MACROD2: variants seen among roughly 807,000 people sequenced by gnomAD.
MACROD2 encodes mono-ADP ribosylhydrolase 2.
Under a neutral mutation model 70.4 loss-of-function variants are expected in MACROD2, and 36 were observed. The observed-to-expected ratio is 0.51, with a 90% CI of 0.39 to 0.68. MACROD2 has a LOEUF of 0.68. Ranked by LOEUF, MACROD2 falls within the 30% of genes least tolerant of loss-of-function variation. MACROD2 has a pLI of 0.00. For synonymous variants in MACROD2, 172 were observed against 178.8 expected (o/e 0.96, Z 0.30); for missense variants, 496 against 538.4 (o/e 0.92, Z 0.78).
At chr20:15,257,239 C>G (rs763149248) in intron 6 of MACROD2, among the ~76,000 whole-genome samples, 4 of 151,830 alleles carry the variant, frequency 2.6e-5, no homozygotes, top group Admixed American at 6.6e-5. Flanking sequence ...TTATGTCATG[C>G]GAAATGAATG....
chr20:15,163,691 C>CTT, intron 5 of MACROD2, among the ~76,000 whole-genome samples: 1 of 145,852 alleles, frequency 6.9e-6, no homozygotes, highest in South Asian at 2.2e-4. Flanking sequence ...AAATTAAAAC[C>CTT]TTTTTTTTTT....
intron 5 of MACROD2, among the ~76,000 whole-genome samples, chr20:15,125,185 A>G (rs1486610745): frequency 6.6e-6 from 1 of 152,074 alleles, no homozygotes; most frequent in African/African-American, 2.4e-5. Flanking sequence ...TTAAGTTCTC[A>G]TCGACTGCAT....
intron 3 of MACROD2, among the ~76,000 whole-genome samples, chr20:14,187,931 A>G (rs1379390881): frequency 6.6e-6 from 1 of 152,190 alleles, no homozygotes; most frequent in African/African-American, 2.4e-5. Flanking sequence ...AAATTGTGAT[A>G]TTAATACAAA....
intron 8 of MACROD2, among the ~76,000 whole-genome samples, chr20:15,551,151 G>T (rs958826783): frequency 5.3e-5 from 8 of 152,048 alleles, no homozygotes; most frequent in Non-Finnish European, 1.0e-4. Context: ...CCATTTATAG[G>T]CTTTCAACAG....
chr20:14,548,717 CAA>C lies in MACROD2; in HGVS notation c.301+55230_301+55231del, dbSNP rs769527111. ...TGGGCGACAGAGTGAGACTCCGTCT[CAA>C]AAAAAAAAAAAAAAAAAAAATACAT... On this transcript the variant is annotated intron_variant, in intron 4 of 17. Coordinates refer to ENST00000684519, the MANE Select transcript of MACROD2 (RefSeq NM_001351661.2). Among the ~76,000 whole-genome samples, 31 of 89,250 alleles carry C rather than the reference CAA, an allele frequency of 3.5e-4. 2 individuals are homozygous for C. Among genetic ancestry groups the C allele is most frequent in the African/African-American group, 1.5e-3 (29 of 18,916 alleles). 58.6% of individuals were successfully genotyped at this position (89,250 alleles called of 152,430 possible).
At chr20:14,346,870 T>C (rs1421583251) in intron 3 of MACROD2, among the ~76,000 whole-genome samples, 1 of 152,216 alleles carries the variant, frequency 6.6e-6, no homozygotes, top group Non-Finnish European at 1.5e-5. Context: ...ATAAGTCTGA[T>C]CTCTTTTACT....
intron 6 of MACROD2, among the ~76,000 whole-genome samples, chr20:15,286,517 AGGTGGGG>A (rs369158838): frequency 0.13 from 19,300 of 152,016 alleles, 1,298 homozygotes; most frequent in Middle Eastern, 0.21. Flanking sequence ...TTCTCACTGG[AGGTGGGG>A]AGGAGAACAG....
chr20:15,709,793 A>G (rs2050597292), intron 8 of MACROD2, among the ~76,000 whole-genome samples: 1 of 152,226 alleles, frequency 6.6e-6, no homozygotes, highest in Non-Finnish European at 1.5e-5. Context: ...GTTTGTGTAG[A>G]GAACATAAAT....
At position 15,839,814 on chromosome 20, in the gene MACROD2, A is replaced by G. The variant is rs538113796; in HGVS notation, c.646-22931A>G. On this transcript the variant is annotated intron_variant, in intron 8 of 17. Coordinates refer to ENST00000684519, the MANE Select transcript of MACROD2 (RefSeq NM_001351661.2). ...TGTGAGAATCATTCTGTATTATTAT[A>G]TTACATTGTAATTTTGTGATTATTT... Among the ~76,000 whole-genome samples the G allele has an allele frequency of 3.3e-5, 5 of 152,250 alleles. No individual in the cohort carries two copies. The East Asian group carries it at 7.7e-4, about 24-fold the overall frequency.
At chr20:15,970,604 A>G (rs1297538378) in intron 13 of MACROD2, among the ~76,000 whole-genome samples, 1 of 152,140 alleles carries the variant, frequency 6.6e-6, no homozygotes, top group African/African-American at 2.4e-5. Flanking sequence ...AGAGCCCAGC[A>G]AACTCTCCAC....
intron 8 of MACROD2, among the ~76,000 whole-genome samples, chr20:15,510,954 G>C (rs1294507668): frequency 6.6e-6 from 1 of 152,178 alleles, no homozygotes; most frequent in East Asian, 1.9e-4. Flanking sequence ...AAGAATATTG[G>C]GGGATCTACT....
chr20:14,541,112 A>G (rs1049952804), intron 4 of MACROD2, among the ~76,000 whole-genome samples: 2 of 152,240 alleles, frequency 1.3e-5, no homozygotes, highest in African/African-American at 4.8e-5. Context: ...TAATAAGCTT[A>G]TAATAAAGCC....
At chr20:15,744,394 G>A (rs966818712) in intron 8 of MACROD2, among the ~76,000 whole-genome samples, 1 of 152,256 alleles carries the variant, frequency 6.6e-6, no homozygotes, top group Admixed American at 6.5e-5. Flanking sequence ...AAGTTGCCTA[G>A]TCTAGTAATG....
At chr20:15,889,006 G>T (rs977944892) in intron 10 of MACROD2, among the ~76,000 whole-genome samples, 1 of 152,066 alleles carries the variant, frequency 6.6e-6, no homozygotes, top group Non-Finnish European at 1.5e-5. Context: ...AAATGCAACC[G>T]ACACTAATGA....
chr20:14,538,234 C>T (rs1490440110), intron 4 of MACROD2, among the ~76,000 whole-genome samples: 2 of 152,164 alleles, frequency 1.3e-5, no homozygotes, highest in African/African-American at 2.4e-5. Flanking sequence ...TAGAGTCTCT[C>T]GTACACTGAA....
At chr20:14,109,643 A>G (rs1462826014) in intron 3 of MACROD2, among the ~76,000 whole-genome samples, 2 of 151,892 alleles carry the variant, frequency 1.3e-5, no homozygotes, top group Admixed American at 6.6e-5. Flanking sequence ...ATTGGAAAAT[A>G]TAGTTGGAAA....
intron 8 of MACROD2, among the ~76,000 whole-genome samples, chr20:15,597,131 G>T (rs532154421): frequency 6.6e-6 from 1 of 152,166 alleles, no homozygotes; most frequent in Admixed American, 6.5e-5. Flanking sequence ...TTGAAGATAG[G>T]TGCTGGTATA....
chr20:15,839,304 C>G (rs1179872523), intron 8 of MACROD2, among the ~76,000 whole-genome samples: 1 of 152,068 alleles, frequency 6.6e-6, no homozygotes, highest in African/African-American at 2.4e-5. Context: ...CATTGGCCCC[C>G]GTTCTCAGTG....
intron 5 of MACROD2, among the ~76,000 whole-genome samples, chr20:14,726,039 G>C (rs1278982168): frequency 1.2e-4 from 18 of 151,942 alleles, no homozygotes; most frequent in Admixed American, 1.1e-3. Context: ...TAGGAACAAA[G>C]GAAATTCCAA....
Sources: allele counts gnomAD v4.1 joint callset (sites outside exome capture counted in the v4.1 genomes callset), GRCh38; gene constraint gnomAD v4.1.1; transcripts MANE v1.5; gene names NCBI Gene and HGNC (gene_info 2026-07-23, HGNC 2026-07-21).